Variants in TRIM55 observed in about 807,000 individuals in gnomAD.
TRIM55 encodes tripartite motif-containing protein 55.
Under a neutral mutation model 60.9 loss-of-function variants are expected in TRIM55, and 50 were observed. The ratio of observed to expected loss-of-function variants is 0.82; its 90% CI spans 0.65 to 1.04. TRIM55 has a LOEUF of 1.04. Ranked by LOEUF, TRIM55 falls within the 50% of genes least tolerant of loss-of-function variation. TRIM55 has a pLI of 0.00. For missense variants in TRIM55, 681 were observed against 666.9 expected (o/e 1.02, Z -0.23); for synonymous variants, 237 against 238.1 (o/e 1.00, Z 0.04).
the TRIM55 span, among the ~76,000 whole-genome samples, chr8:66,121,405 G>A: frequency 6.6e-6 from 1 of 152,198 alleles, no homozygotes; most frequent in Non-Finnish European, 1.5e-5. Flanking sequence ...GTGGAAGTGG[G>A]GCAAGCAATG....
intron 7 of TRIM55, among the ~76,000 whole-genome samples, chr8:66,150,779 G>A (rs913168289): frequency 4.0e-5 from 6 of 151,800 alleles, no homozygotes; most frequent in East Asian, 1.9e-4. Context: ...CGATTCTCCC[G>A]CCTCAGCCTC....
intron 9 of TRIM55, among the ~76,000 whole-genome samples, chr8:66,159,004 G>T (rs1025593944): frequency 1.3e-5 from 2 of 152,224 alleles, no homozygotes; most frequent in Non-Finnish European, 2.9e-5. Context: ...AGTGGATGAA[G>T]AAATGAAAGA....
chr8:66,160,680 A>T (rs1294139051), intron 9 of TRIM55, among the ~76,000 whole-genome samples: 1 of 149,708 alleles, frequency 6.7e-6, no homozygotes, highest in Admixed American at 6.7e-5. Flanking sequence ...CCCCACCAAC[A>T]TTTTTTTTTA....
At chr8:66,113,637 G>A in the TRIM55 span, 1 of 455,016 alleles carries the variant, frequency 2.2e-6, no homozygotes, top group East Asian at 7.0e-5. Flanking sequence ...AACGTGTCCG[G>A]GCAGGTTCCC....
chr8:66,152,217 C>A, intron 7 of TRIM55, 160 bp from the exon 8 acceptor site: 1 of 943,596 alleles, frequency 1.1e-6, no homozygotes, highest in Non-Finnish European at 1.5e-6. Context: ...CCACTAGAAG[C>A]ACAAAGCCCT....
intron 9 of TRIM55, among the ~76,000 whole-genome samples, chr8:66,173,459 G>T (rs959748426): frequency 1.2e-4 from 18 of 152,190 alleles, no homozygotes; most frequent in African/African-American, 2.9e-4. Flanking sequence ...CTTGTGCCAG[G>T]TATTATCCAT....
At chr8:66,167,475 C>T (rs1217082869) in intron 9 of TRIM55, among the ~76,000 whole-genome samples, 2 of 152,186 alleles carry the variant, frequency 1.3e-5, no homozygotes, top group East Asian at 3.8e-4. Context: ...GTGATATCAA[C>T]TTCCATAACC....
chr8:66,129,178 A>G (rs1268341599), intron 2 of TRIM55, among the ~76,000 whole-genome samples: 3 of 152,238 alleles, frequency 2.0e-5, no homozygotes. Flanking sequence ...ATATCTATCC[A>G]TTCATTTTTA....
intron 2 of TRIM55, 36 bp from the exon 3 acceptor site, chr8:66,134,954 G>A (rs1437732052): frequency 5.0e-6 from 8 of 1,610,146 alleles, no homozygotes; most frequent in Non-Finnish European, 6.8e-6. Context: ...GCCCCAGTGA[G>A]AGCTGATGGA....
rs746225689 is a variant in TRIM55 at position 66,150,400 on chromosome 8, A to C, written c.919A>C (p.Met307Leu). Reference sequence around the variant, plus strand: ...GAAAATAGAACATGGCTATGAGAACATGAACCACTTCACAGTCAACCTCAA... The same window carrying C: ...GAAAATAGAACATGGCTATGAGAACCTGAACCACTTCACAGTCAACCTCAA... The part of the protein sequence containing the change: ...MEKIEHGYEN[M>L]NHFTVNLNRE... Residue 307 changes from methionine (M) to leucine (L), a missense_variant, in exon 7 of 10, where the codon ATG (methionine) becomes CTG (leucine). Met to Leu is a conservative substitution (Grantham distance 15). Coordinates refer to ENST00000315962, the MANE Select transcript of TRIM55 (RefSeq NM_184085.2). 1.2e-6 allele frequency: 2 copies of C among 1,614,114 alleles called. No homozygotes were observed. The highest frequency in any genetic ancestry group is 2.7e-5 in the African/African-American group (2 of 74,948).
chr8:66,173,476 C>T (rs915279594), intron 9 of TRIM55, among the ~76,000 whole-genome samples: 2 of 152,314 alleles, frequency 1.3e-5, no homozygotes, highest in South Asian at 2.1e-4. Context: ...CCATTCATAT[C>T]GCAGCTTCAT....
intron 2 of TRIM55, among the ~76,000 whole-genome samples, chr8:66,133,499 GA>G (rs2128974067): frequency 6.6e-6 from 1 of 152,314 alleles, no homozygotes; most frequent in African/African-American, 2.4e-5. Context: ...CTCAATTGTG[GA>G]GTTGACTTCC....
chr8:66,115,435 T>G, the TRIM55 span, among the ~76,000 whole-genome samples: 1 of 152,190 alleles, frequency 6.6e-6, no homozygotes, highest in African/African-American at 2.4e-5. Context: ...GTTTCTAGTT[T>G]GGGATTATGG....
intron 9 of TRIM55, among the ~76,000 whole-genome samples, chr8:66,171,478 C>G (rs1444727174): frequency 1.3e-5 from 2 of 151,944 alleles, no homozygotes; most frequent in African/African-American, 4.8e-5. Flanking sequence ...AGAAGGTATC[C>G]CTGTCATTAA....
chr8:66,121,639 T>C, the TRIM55 span, among the ~76,000 whole-genome samples: 1 of 152,190 alleles, frequency 6.6e-6, no homozygotes, highest in Non-Finnish European at 1.5e-5. Flanking sequence ...TGGGTTCAAA[T>C]AAGGCAAACG....
the TRIM55 span, among the ~76,000 whole-genome samples, chr8:66,118,031 T>C: frequency 6.7e-6 from 1 of 149,712 alleles, no homozygotes; most frequent in South Asian, 2.1e-4. Context: ...TACCCGGGTG[T>C]GGTGGCGGGC....
At chr8:66,120,851 A>G in the TRIM55 span, among the ~76,000 whole-genome samples, 1 of 152,246 alleles carries the variant, frequency 6.6e-6, no homozygotes, top group East Asian at 1.9e-4. Context: ...CTACCAAACT[A>G]AGGGGGTAGT....
At chr8:66,145,215 A>G (rs574592620) in intron 4 of TRIM55, among the ~76,000 whole-genome samples, 1 of 152,250 alleles carries the variant, frequency 6.6e-6, no homozygotes, top group Admixed American at 6.5e-5. Flanking sequence ...AAAATAGGAG[A>G]CTTCATTTCA....
upstream of TRIM55, among the ~76,000 whole-genome samples, chr8:66,124,537 T>G (rs563587579): frequency 6.6e-6 from 1 of 152,262 alleles, no homozygotes; most frequent in South Asian, 2.1e-4. Context: ...TCTGAGATCC[T>G]CGGTGCAGCA....
Sources: allele counts gnomAD v4.1 joint callset (sites outside exome capture counted in the v4.1 genomes callset), GRCh38; gene constraint gnomAD v4.1.1; transcripts MANE v1.5; gene names NCBI Gene and HGNC (gene_info 2026-07-23, HGNC 2026-07-21).